ZNF629: variants seen among roughly 807,000 people sequenced by gnomAD.
The protein encoded by ZNF629 is zinc finger protein 629, also known as DNA-binding protein.
In ZNF629, 9 loss-of-function variants were observed where a neutral mutation model predicts 59.7. The ratio of observed to expected loss-of-function variants is 0.15; its 90% CI spans 0.09 to 0.26. The LOEUF is 0.26. ZNF629 is among the 10% of genes least tolerant of loss of function. The pLI is 1.00. For missense variants in ZNF629, 853 were observed against 1,165.4 expected, an observed-to-expected ratio of 0.73 and a Z score of 3.90; for synonymous variants, 509 against 498.9, an observed-to-expected ratio of 1.02 and a Z score of -0.27.
rs764676846 is a variant in ZNF629 at position 30,779,539 on chromosome 16, TG to T, written c.*2178del. Reference sequence around the variant, plus strand: ...TTCCCTTCCTGGCACTTGGATAGGCTGGGGCGTTATGCAGATGGCAACATGG... The same window carrying T: ...TTCCCTTCCTGGCACTTGGATAGGCTGGGCGTTATGCAGATGGCAACATGG... On this transcript the variant is annotated 3_prime_UTR_variant, in exon 3 of 3. Transcript: ENST00000262525. 5 of 152,182 alleles carry T rather than the reference TG, an allele frequency of 3.3e-5. No individual in the cohort carries two copies. The highest frequency in any genetic ancestry group is 7.3e-5 in the Non-Finnish European group (5 of 68,054). The allele number at this position is 152,182 out of a possible 1,614,324, so 9.4% of individuals were successfully genotyped here.
rs1596777100 is a variant in ZNF629 at position 30,782,294 on chromosome 16, G to A, written c.2034C>T (p.Leu678=). 6.2e-7 allele frequency: 1 copy of A among 1,612,028 alleles called. No homozygotes were observed. Among genetic ancestry groups the A allele is most frequent in the African/African-American group, 1.3e-5 (1 of 75,024 alleles). ...GESFLDRSVL[L]QHQLTHGNEK... The stretch of plus-strand genomic sequence containing the variant: ...CGTTGCCGTGGGTGAGCTGATGCTG[G>A]AGGAGCACAGAGCGATCCAGGAAGC... The change falls in exon 3 of 3, where the codon CTC becomes CTT. Residue 678 remains leucine (L), a synonymous_variant. Transcript: ENST00000262525.
chr16:30,782,715 C>G lies in ZNF629; in HGVS notation c.1613G>C (p.Arg538Thr). 1 of 1,612,700 alleles carries G rather than the reference C, an allele frequency of 6.2e-7. No homozygotes were observed. The highest frequency in any genetic ancestry group is 8.5e-7 in the Non-Finnish European group (1 of 1,179,658). Residue 538 changes from arginine (R) to threonine (T), a missense_variant, in exon 3 of 3, where the codon AGG becomes ACG. By Grantham distance (71) the Arg-to-Thr change is moderately conservative. Around this residue, in one of 3 missense-constraint regions of ZNF629, gnomAD observed 420 missense variants for 435.6 expected, o/e 0.96. Coordinates refer to ENST00000262525, the MANE Select transcript of ZNF629 (RefSeq NM_001080417.3). ...ELEQHRVIHE[R>T]GKTPARRAQG... is the part of the protein sequence containing the mutation. ...GGCCCTACGCGCTGGGGTCTTCCCC[C>G]TCTCATGGATCACCCGGTGCTGCTC...
intron 1 of ZNF629, 106 bp from the exon 2 acceptor site, chr16:30,784,621 G>T: frequency 1.2e-6 from 1 of 823,908 alleles, no homozygotes; most frequent in Non-Finnish European, 1.8e-6. Flanking sequence ...TCCTCCTTGT[G>T]TGAACTTCAG....
At position 30,779,436 on chromosome 16, in the gene ZNF629, TCTC is replaced by T. The variant is rs1222085321; in HGVS notation, c.*2279_*2281del. On this transcript the variant is annotated 3_prime_UTR_variant, in exon 3 of 3. Coordinates refer to ENST00000262525, the MANE Select transcript of ZNF629 (RefSeq NM_001080417.3). ...GACATCTCCTTAGACTTGGCAGACT[TCTC>T]ATTCTTACAGGGCACCCCCTTCGTT... 1 of 152,198 alleles carries T rather than the reference TCTC, an allele frequency of 6.6e-6. No individual in the cohort carries two copies. Among genetic ancestry groups the T allele is most frequent in the Non-Finnish European group, 1.5e-5 (1 of 68,056 alleles). 9.4% of individuals were successfully genotyped at this position (152,198 alleles called of 1,614,324 possible). A position where few individuals can be genotyped will look rare whatever the true frequency, so the allele number is the denominator to read the frequency against.
rs1259899146 is a variant in ZNF629, at chr16:30,787,181, G to C, written c.-187C>G. 1 of 152,920 alleles carries C rather than the reference G, an allele frequency of 6.5e-6. No individual in the cohort carries two copies. The highest frequency in any genetic ancestry group is 2.1e-4 in the South Asian group (1 of 4,834). 9.5% of individuals were successfully genotyped at this position (152,920 alleles called of 1,614,324 possible). On this transcript the variant is annotated 5_prime_UTR_variant, in exon 1 of 3. Coordinates refer to ENST00000262525, the MANE Select transcript of ZNF629 (RefSeq NM_001080417.3). Reference sequence around the variant, plus strand: ...GGCTGAGGACCCGGGGACCAGTTCAGGGTGACTGGGACGGAGCAGGAAGTG... The same window carrying C: ...GGCTGAGGACCCGGGGACCAGTTCACGGTGACTGGGACGGAGCAGGAAGTG...
At position 30,781,854 on chromosome 16, in the gene ZNF629, C is replaced by G; in HGVS notation, c.2474G>C (p.Ser825Thr). The change falls in exon 3 of 3, where the codon AGC becomes ACC. Residue 825 changes from serine to threonine, a missense_variant. Ser to Thr is a moderately conservative substitution (Grantham distance 58). Coordinates refer to ENST00000262525, the MANE Select transcript of ZNF629 (RefSeq NM_001080417.3). The stretch of plus-strand genomic sequence containing the variant: ...GGGGTTTTGCCCTTCCCCATGGCTG[C>G]TGCTCTCTGTGGGGGTAGGGGTCTC... ...EGETPTPTES[S>T]SHGEGQNPKT... is the part of the protein sequence containing the mutation. The G allele has an allele frequency of 6.3e-7, 1 of 1,589,882 alleles. No homozygotes were observed. Among genetic ancestry groups the G allele is most frequent in the East Asian group, 2.3e-5 (1 of 44,276 alleles).
chr16:30,784,473 C>A lies in ZNF629; in HGVS notation c.10G>T (p.Glu4Ter). 6.4e-7 allele frequency: 1 copy of A among 1,550,716 alleles called. No homozygotes were observed. ...AGATCCGGGCCCCACAGCGCAGTCT[C>A]GGGCTCCATCCCAGAGCTCAGGACT... MEP[E>*]TALWGPDLQG... The change falls in exon 2 of 3, where the codon GAG (glutamate) becomes TAG (stop). Residue 4 changes from glutamate (E) to a stop codon, truncating the protein, a stop_gained. Coordinates refer to ENST00000262525, the MANE Select transcript of ZNF629 (RefSeq NM_001080417.3). LOFTEE classifies it high-confidence loss of function.
At position 30,784,258 on chromosome 16, in the gene ZNF629, C is replaced by T. The variant is rs1475952448; in HGVS notation, c.74-4G>A. The T allele has an allele frequency of 1.9e-6, 3 of 1,594,152 alleles. No homozygotes were observed. The highest frequency in any genetic ancestry group is 2.6e-6 in the Non-Finnish European group (3 of 1,174,646). ...TCTTCGTTTTCACTCTCGGCACCTACAGAAAGAAAGGGAGTCTACAGCCCC... is the reference window on the plus strand; with the variant it reads ...TCTTCGTTTTCACTCTCGGCACCTATAGAAAGAAAGGGAGTCTACAGCCCC... On this transcript the variant is annotated splice_region_variant and splice_polypyrimidine_tract_variant and intron_variant, in intron 2 of 2. Transcript: ENST00000262525.
Position 30,782,522 on chromosome 16 carries a change from G to T in ZNF629, c.1806C>A (p.Gly602=). Residue 602 remains glycine, a synonymous_variant, in exon 3 of 3, where the codon GGC becomes GGA. Transcript: ENST00000262525. Reference sequence around the variant, plus strand: ...GTTTGGGGGCTGCGTGTGCGATGAGGCCGTCTGCATTTTTGTAGGGGTTTT... The same window carrying T: ...GTTTGGGGGCTGCGTGTGCGATGAGTCCGTCTGCATTTTTGTAGGGGTTTT... ...IGENPYKNAD[G]LIAHAAPKPP... 1 of 1,562,848 alleles carries T rather than the reference G, an allele frequency of 6.4e-7. No homozygotes were observed. Among genetic ancestry groups the T allele is most frequent in the South Asian group, 1.2e-5 (1 of 85,172 alleles).
rs564377090 is a variant in ZNF629, at chr16:30,786,758, G to GGGCTGCGCT, written c.-34+261_-34+269dup. ...CTTCCAGCACTGCCAGGCTCCTCCA[G>GGGCTGCGCT]GGCTGCGCTGGCAGCGCTGGTCCCC... On this transcript the variant is annotated intron_variant, in intron 1 of 2. Transcript: ENST00000262525. This position sits in a 1 kb window ranked among gnomAD's most constrained non-coding sequence, Gnocchi z 4.8. Among the ~76,000 whole-genome samples the GGGCTGCGCT allele has an allele frequency of 5.3e-5, 8 of 150,978 alleles. No individual in the cohort carries two copies. The highest frequency in any genetic ancestry group is 2.0e-4 in the African/African-American group (8 of 40,542).
At position 30,781,030 on chromosome 16, in the gene ZNF629, T is replaced by C. The variant is rs1266890286; in HGVS notation, c.*688A>G. The stretch of plus-strand genomic sequence containing the variant: ...CTCTTTCCCTAAAACACACAATGCA[T>C]CTAACATTGTCCTCAAACCCCAAGG... On this transcript the variant is annotated 3_prime_UTR_variant, in exon 3 of 3. Transcript: ENST00000262525. 6.6e-6 allele frequency: 1 copy of C among 152,214 alleles called. No individual in the cohort carries two copies. Among genetic ancestry groups the C allele is most frequent in the Non-Finnish European group, 1.5e-5 (1 of 68,042 alleles). 9.4% of individuals were successfully genotyped at this position (152,214 alleles called of 1,614,324 possible).
Position 30,779,021 on chromosome 16 carries a change from A to G in ZNF629, c.*2697T>C, listed in dbSNP as rs1408667427. On this transcript the variant is annotated 3_prime_UTR_variant, in exon 3 of 3. Transcript: ENST00000262525. ...CACTCTGGGAGGGAAGCTCCTGGTTAAAGGAGCTTGGGGAGGTGGGCAAGA... is the reference window on the plus strand; with the variant it reads ...CACTCTGGGAGGGAAGCTCCTGGTTGAAGGAGCTTGGGGAGGTGGGCAAGA... The G allele has an allele frequency of 6.6e-6, 1 of 152,194 alleles. No individual in the cohort carries two copies. Among genetic ancestry groups the G allele is most frequent in the Admixed American group, 6.5e-5 (1 of 15,274 alleles). 9.4% of individuals were successfully genotyped at this position (152,194 alleles called of 1,614,324 possible).
chr16:30,781,609 C>G lies in ZNF629; in HGVS notation c.*109G>C. Reference sequence around the variant, plus strand: ...TTCCCAGGGTTCTTTCTCCTCCACTCCACTACCATCTGATAGGGTTATCCT... The same window carrying G: ...TTCCCAGGGTTCTTTCTCCTCCACTGCACTACCATCTGATAGGGTTATCCT... On this transcript the variant is annotated 3_prime_UTR_variant, in exon 3 of 3. Transcript: ENST00000262525. The G allele has an allele frequency of 8.8e-7, 1 of 1,137,824 alleles. No homozygotes were observed. The highest frequency in any genetic ancestry group is 1.2e-6 in the Non-Finnish European group (1 of 846,742). 70.5% of individuals were successfully genotyped at this position (1,137,824 alleles called of 1,614,324 possible). A position where few individuals can be genotyped will look rare whatever the true frequency, so the allele number is the denominator to read the frequency against.
In ZNF629 at chr16:30,781,986, A is replaced by G. The variant is rs770138564; in HGVS notation, c.2342T>C (p.Val781Ala). The change falls in exon 3 of 3, where the codon GTG becomes GCG. Residue 781 changes from valine to alanine, a missense_variant. By Grantham distance (64) the Val-to-Ala change is moderately conservative (BLOSUM62 0). Around this residue, in one of 3 missense-constraint regions of ZNF629, gnomAD observed 420 missense variants for 435.6 expected, o/e 0.96. Coordinates refer to ENST00000262525, the MANE Select transcript of ZNF629 (RefSeq NM_001080417.3). ...SDCRASFLDR[V>A]ALTRHQETHT... ...GGTTTCTTGGTGCCGGGTGAGGGCC[A>G]CGCGGTCGAGGAAGGAGGCCCTGCA... The G allele has an allele frequency of 6.4e-6, 10 of 1,562,924 alleles. No homozygotes were observed. In the African/African-American group the frequency reaches 9.6e-5, roughly 15 times the overall value.
At position 30,782,806 on chromosome 16, in the gene ZNF629, G is replaced by T; in HGVS notation, c.1522C>A (p.His508Asn). The change falls in exon 3 of 3, where the codon CAC (histidine) becomes AAC (asparagine). Residue 508 changes from histidine to asparagine, a missense_variant. Around this residue, in one of 3 missense-constraint regions of ZNF629, gnomAD observed 201 missense variants for 536.5 expected, o/e 0.37. Coordinates refer to ENST00000262525, the MANE Select transcript of ZNF629 (RefSeq NM_001080417.3). ...CACACGAACAGGTTCTCGTCCATGT[G>T]CGTGCGGACGTGGGTAATAAGGTTG... ...SSNLITHVRT[H>N]MDENLFVCSD... 1 of 1,614,094 alleles carries T rather than the reference G, an allele frequency of 6.2e-7. No individual in the cohort carries two copies. The highest frequency in any genetic ancestry group is 8.5e-7 in the Non-Finnish European group (1 of 1,179,974).
In ZNF629 at chr16:30,778,796, T is replaced by A. The variant is rs2054256477; in HGVS notation, c.*2922A>T. 6.6e-6 allele frequency: 1 copy of A among 152,502 alleles called. No individual in the cohort carries two copies. Among genetic ancestry groups the A allele is most frequent in the Non-Finnish European group, 1.5e-5 (1 of 68,334 alleles). 9.4% of individuals were successfully genotyped at this position (152,502 alleles called of 1,614,324 possible). On this transcript the variant is annotated 3_prime_UTR_variant, in exon 3 of 3. Transcript: ENST00000262525. Reference sequence around the variant, plus strand: ...TCCCCACTGACTCCCTGACCCTATCTGTTGGGCTCCTCCCTCCACCAGGGC... The same window carrying A: ...TCCCCACTGACTCCCTGACCCTATCAGTTGGGCTCCTCCCTCCACCAGGGC...
At position 30,778,989 on chromosome 16, in the gene ZNF629, C is replaced by G. The variant is rs368535483; in HGVS notation, c.*2729G>C. 4 of 152,302 alleles carry G rather than the reference C, an allele frequency of 2.6e-5. No homozygotes were observed. The highest frequency in any genetic ancestry group is 9.7e-5 in the African/African-American group (4 of 41,440). The allele number at this position is 152,302 out of a possible 1,614,324, so 9.4% of individuals were successfully genotyped here. A position where few individuals can be genotyped will look rare whatever the true frequency, so the allele number is the denominator to read the frequency against. On this transcript the variant is annotated 3_prime_UTR_variant, in exon 3 of 3. Transcript: ENST00000262525. ...CCTCCCTGCTTCAATCCTCCCAAGA[C>G]GTAGCTCACTCTGGGAGGGAAGCTC...
chr16:30,784,380 G>A (rs752224106), intron 2 of ZNF629, 30 bp downstream of exon 2: 6 of 1,550,958 alleles, frequency 3.9e-6, no homozygotes, highest in Non-Finnish European at 4.3e-6. Context: ...CCGTCTTGCC[G>A]GGACCGCAGC....
At position 30,782,197 on chromosome 16, in the gene ZNF629, C is replaced by T. The variant is rs758025907; in HGVS notation, c.2131G>A (p.Gly711Arg). The change falls in exon 3 of 3, where the codon GGG becomes AGG. Residue 711 changes from glycine to arginine, a missense_variant. Physicochemically the swap from Gly to Arg is moderately radical, Grantham distance 125. Coordinates refer to ENST00000262525, the MANE Select transcript of ZNF629 (RefSeq NM_001080417.3). ...EGAGPSPFLSGKPFKCPECKQ... is the reference protein window; with the variant it reads ...EGAGPSPFLSRKPFKCPECKQ... The stretch of plus-strand genomic sequence containing the variant: ...CATTCAGGGCATTTAAAGGGCTTCC[C>T]ACTTAAGAAGGGGCTGGGCCCTGCG... 19 of 1,613,678 alleles carry T rather than the reference C, an allele frequency of 1.2e-5. No individual in the cohort carries two copies. The highest frequency in any genetic ancestry group is 1.5e-5 in the Non-Finnish European group (18 of 1,179,886).
Sources: allele counts gnomAD v4.1 joint callset (sites outside exome capture counted in the v4.1 genomes callset), GRCh38; gene constraint gnomAD v4.1.1; regional missense constraint gnomAD v4.1.1; non-coding constraint Gnocchi (gnomAD v3.1); transcripts MANE v1.5; gene names NCBI Gene and HGNC (gene_info 2026-07-23, HGNC 2026-07-21).